NAMPT: variants seen among roughly 807,000 people sequenced by gnomAD.
The protein encoded by NAMPT is nicotinamide phosphoribosyltransferase.
Under a neutral mutation model 58.7 loss-of-function variants are expected in NAMPT, and 7 were observed. The observed-to-expected ratio is 0.12, with a 90% CI of 0.07 to 0.22. The LOEUF (loss-of-function observed/expected upper bound fraction) is 0.22, where lower values mean the gene tolerates loss of function less well. Ranked by LOEUF, NAMPT falls within the 10% of genes least tolerant of loss-of-function variation. The probability of loss-of-function intolerance (pLI) is 1.00; values close to 1 mark genes in which losing one functional copy is unlikely to be tolerated. For missense variants in NAMPT, 271 were observed against 567.9 expected (o/e 0.48, Z 5.31); for synonymous variants, 145 against 198.1 (o/e 0.73, Z 2.25).
chr7:106,284,055 GGGTTAAAACTACA>G (rs1331895147), intron 1 of NAMPT, among the ~76,000 whole-genome samples: 1 of 152,194 alleles, frequency 6.6e-6, no homozygotes, highest in Non-Finnish European at 1.5e-5. Context: ...ATGTTCTCTA[GGGTTAAAACTACA>G]GTTCCTTTAA....
chr7:106,267,305 G>C (rs879542779), intron 6 of NAMPT, among the ~76,000 whole-genome samples: 2 of 152,074 alleles, frequency 1.3e-5, no homozygotes, highest in Admixed American at 1.3e-4. Flanking sequence ...CTGAGAATAG[G>C]GTCAGTTTTT....
rs141516358 is a variant in NAMPT, at chr7:106,263,762, G to A, written c.744-145C>T. ...TGACTTAGTTTAATGAATATACATCGTAAGGCAAATGAAGTAGCTGGGTCA... is the reference window on the plus strand; with the variant it reads ...TGACTTAGTTTAATGAATATACATCATAAGGCAAATGAAGTAGCTGGGTCA... On this transcript the variant is annotated intron_variant, in intron 6 of 10. Transcript: ENST00000222553. The A allele has an allele frequency of 1.6e-4, 107 of 684,952 alleles. No homozygotes were observed. The Middle Eastern group carries it at 2.3e-3, about 15-fold the overall frequency. The allele number at this position is 684,952 out of a possible 1,614,324, so 42.4% of individuals were successfully genotyped here.
intron 8 of NAMPT, among the ~76,000 whole-genome samples, chr7:106,261,277 G>A (rs1792296507): frequency 6.6e-6 from 1 of 152,126 alleles, no homozygotes. Flanking sequence ...ACCTATGCCA[G>A]CAGAGTCAAG....
chr7:106,270,997 A>G (rs1233326998), intron 4 of NAMPT, among the ~76,000 whole-genome samples: 2 of 152,202 alleles, frequency 1.3e-5, no homozygotes, highest in African/African-American at 4.8e-5. Context: ...TACTCTTTCA[A>G]TTCCACTGCC....
Position 106,249,717 on chromosome 7 carries a change from G to C in NAMPT, c.*1366C>G, listed in dbSNP as rs558413668. On this transcript the variant is annotated 3_prime_UTR_variant, in exon 11 of 11. Coordinates refer to ENST00000222553, the MANE Select transcript of NAMPT (RefSeq NM_005746.3). ...CTGGAGTAGTGGGAAAGCAGCCATA[G>C]ACAATCTGCATTTATAAAAAGAAGT... 1 of 152,178 alleles carries C rather than the reference G, an allele frequency of 6.6e-6. No individual in the cohort carries two copies. Among genetic ancestry groups the C allele is most frequent in the African/African-American group, 2.4e-5 (1 of 41,552 alleles). The allele number at this position is 152,178 out of a possible 1,614,324, so 9.4% of individuals were successfully genotyped here.
In NAMPT at chr7:106,284,886, T is replaced by C. The variant is rs753463837; in HGVS notation, c.-2A>G. On this transcript the variant is annotated 5_prime_UTR_variant, in exon 1 of 11. Transcript: ENST00000222553. ...CTCGGCTTCTGCCGCAGGATTCATC[T>C]CGGGCCGGAGGACAGGGGCCGCGCG... The C allele has an allele frequency of 5.1e-6, 8 of 1,583,776 alleles. No individual in the cohort carries two copies. Among genetic ancestry groups the C allele is most frequent in the South Asian group, 4.6e-5 (4 of 87,032 alleles).
At chr7:106,280,936 G>C (rs758012098) in intron 1 of NAMPT, among the ~76,000 whole-genome samples, 4 of 150,322 alleles carry the variant, frequency 2.7e-5, no homozygotes, top group Non-Finnish European at 5.9e-5. Flanking sequence ...GCAACACTCC[G>C]TCTCAAAAAA....
At chr7:106,264,468 T>A (rs889460124) in intron 6 of NAMPT, among the ~76,000 whole-genome samples, 4 of 152,028 alleles carry the variant, frequency 2.6e-5, no homozygotes, top group African/African-American at 9.7e-5. Flanking sequence ...TTTTTCAGAT[T>A]TTGGAATATG....
intron 8 of NAMPT, among the ~76,000 whole-genome samples, chr7:106,259,883 T>TTC (rs1361075253): frequency 6.7e-6 from 1 of 150,286 alleles, no homozygotes; most frequent in East Asian, 1.9e-4. Context: ...ACAATCTTTT[T>TTC]TTTTTTTTTT....
At chr7:106,276,236 GATAAACTTTTCCAACATGT>G (rs1381293208) in intron 2 of NAMPT, 1 of 152,122 alleles carries the variant, frequency 6.6e-6, no homozygotes, top group Non-Finnish European at 1.5e-5. Flanking sequence ...AAAGGTTAGA[GATAAACTTTTCCAACATGT>G]ATAATGTGTT....
At chr7:106,277,304 C>CTTT in intron 1 of NAMPT, 125 bp from the exon 2 acceptor site, 1 of 755,656 alleles carries the variant, frequency 1.3e-6, no homozygotes, top group Non-Finnish European at 2.1e-6. Context: ...TAACCAGTTT[C>CTTT]TTTTCCTGGC....
chr7:106,265,625 CCT>C (rs778199626), intron 6 of NAMPT, among the ~76,000 whole-genome samples: 2 of 150,252 alleles, frequency 1.3e-5, no homozygotes, highest in Middle Eastern at 3.5e-3. Context: ...TGTATCTTAG[CCT>C]CTGTTTTTCT....
intron 2 of NAMPT, chr7:106,275,312 TATTAACTTA>T (rs1330172568): frequency 8.5e-6 from 2 of 235,374 alleles, no homozygotes; most frequent in African/African-American, 4.5e-5. Flanking sequence ...TTAAAAATGA[TATTAACTTA>T]ATTTTTTTCT....
At chr7:106,260,913 C>A (rs1792290647) in intron 8 of NAMPT, among the ~76,000 whole-genome samples, 1 of 152,146 alleles carries the variant, frequency 6.6e-6, no homozygotes, top group Non-Finnish European at 1.5e-5. Flanking sequence ...CATCGAAGAT[C>A]ACTAATCACA....
At chr7:106,271,384 C>A (rs1792530480) in intron 4 of NAMPT, among the ~76,000 whole-genome samples, 1 of 152,170 alleles carries the variant, frequency 6.6e-6, no homozygotes, top group Admixed American at 6.5e-5. Flanking sequence ...ACCAACTCAG[C>A]ACTAATTCTT....
At chr7:106,258,751 A>G (rs916790689) in intron 8 of NAMPT, among the ~76,000 whole-genome samples, 7 of 152,250 alleles carry the variant, frequency 4.6e-5, no homozygotes, top group African/African-American at 1.7e-4. Context: ...TCATTGCTAA[A>G]TAATGCTAAT....
Position 106,278,852 on chromosome 7 carries a change from G to A in NAMPT, c.58-1673C>T, listed in dbSNP as rs1029716842. The stretch of plus-strand genomic sequence containing the variant: ...TGAAGTAAAACTTGAAAAATGGTGT[G>A]GATCTTATAGCACAAGTTTGTAAGT... On this transcript the variant is annotated intron_variant, in intron 1 of 10. Coordinates refer to ENST00000222553, the MANE Select transcript of NAMPT (RefSeq NM_005746.3). Among the ~76,000 whole-genome samples, 13 of 151,494 alleles carry A rather than the reference G, an allele frequency of 8.6e-5. No homozygotes were observed. The South Asian group carries it at 2.3e-3, about 27-fold the overall frequency.
Position 106,263,497 on chromosome 7 carries a change from C to T in NAMPT, c.864G>A (p.Glu288=). The T allele has an allele frequency of 1.2e-6, 2 of 1,608,182 alleles. No individual in the cohort carries two copies. Among genetic ancestry groups the T allele is most frequent in the Non-Finnish European group, 1.7e-6 (2 of 1,174,672 alleles). The part of the protein sequence containing the change: ...SDSYDIYNAC[E]KIWGEDLRHL... The stretch of plus-strand genomic sequence containing the variant: ...GTCTTAGATCTTCACCCCATATTTT[C>T]TCACACGCATTATAAATGTCATAGC... The change falls in exon 7 of 11, where the codon GAG becomes GAA. Residue 288 remains glutamate (E), a synonymous_variant. Transcript: ENST00000222553.
intron 7 of NAMPT, among the ~76,000 whole-genome samples, chr7:106,262,202 C>T (rs549887392): frequency 2.1e-4 from 32 of 152,182 alleles, no homozygotes; most frequent in African/African-American, 7.0e-4. Context: ...ATCTAGAACC[C>T]ATAGTCTCTA....
Sources: gnomAD v4.1 joint callset for allele counts (sites outside exome capture counted in the v4.1 genomes callset) on GRCh38, gnomAD v4.1.1 for gene constraint, MANE v1.5 for transcripts, NCBI Gene and HGNC (gene_info 2026-07-23, HGNC 2026-07-21) for gene names.